The following PHLDB2 variants were observed in gnomAD, a reference collection of about 807,000 sequenced individuals.
PHLDB2 encodes the protein pleckstrin homology-like domain family B member 2.
Under a neutral mutation model 123.6 loss-of-function variants are expected in PHLDB2, and 71 were observed. The ratio of observed to expected loss-of-function variants is 0.57; its 90% CI spans 0.47 to 0.70. The LOEUF (loss-of-function observed/expected upper bound fraction) is 0.70, where lower values mean the gene tolerates loss of function less well. PHLDB2 is among the 30% of genes least tolerant of loss of function. PHLDB2 has a pLI of 0.00. For synonymous variants in PHLDB2, 547 were observed against 541.6 expected, an observed-to-expected ratio of 1.01 and a Z score of -0.14; for missense variants, 1,446 against 1,519.5, an observed-to-expected ratio of 0.95 and a Z score of 0.80.
In PHLDB2 at chr3:111,953,990, G is replaced by T. The variant is rs1436280741; in HGVS notation, c.2833G>T (p.Ala945Ser). The change falls in exon 12 of 18, where the codon GCC becomes TCC. Residue 945 changes from alanine to serine, a missense_variant. By Grantham distance (99) the Ala-to-Ser change is moderately conservative. Around this residue, in one of 3 missense-constraint regions of PHLDB2, gnomAD observed 594 missense variants for 646.0 expected, o/e 0.92. Coordinates refer to ENST00000431670, the MANE Select transcript of PHLDB2 (RefSeq NM_001134438.2). ...CGSVLPPSLAAMAKDSESRRM... is the reference protein window; with the variant it reads ...CGSVLPPSLASMAKDSESRRM... The stretch of plus-strand genomic sequence containing the variant: ...AAGTGTGCTCCCTCCCTCACTGGCA[G>T]CCATGGCCAAAGACTCAGAATCTCG... 1 of 1,613,684 alleles carries T rather than the reference G, an allele frequency of 6.2e-7. No individual in the cohort carries two copies.
chr3:111,769,342 A>G (rs372062756), intron 1 of PHLDB2, among the ~76,000 whole-genome samples: 1 of 152,206 alleles, frequency 6.6e-6, no homozygotes, highest in Non-Finnish European at 1.5e-5. Flanking sequence ...CCAAAGTCCA[A>G]GTAAATATTC....
At chr3:111,904,177 C>A (rs1456104006) in intron 2 of PHLDB2, among the ~76,000 whole-genome samples, 1 of 147,510 alleles carries the variant, frequency 6.8e-6, no homozygotes, top group Non-Finnish European at 1.5e-5. Flanking sequence ...ACTCGGGAGG[C>A]TGAGGTGGGA....
At chr3:111,965,182 A>G (rs151099299) in intron 13 of PHLDB2, among the ~76,000 whole-genome samples, 171 of 152,338 alleles carry the variant, frequency 1.1e-3, no homozygotes, top group African/African-American at 3.8e-3. Flanking sequence ...ACTCTTTTGT[A>G]TCTCCTCACT....
chr3:111,923,414 C>G (rs536510963), intron 5 of PHLDB2, among the ~76,000 whole-genome samples: 1 of 152,328 alleles, frequency 6.6e-6, no homozygotes, highest in African/African-American at 2.4e-5. Context: ...TATCTCTCAT[C>G]TGAACTCAGT....
intron 1 of PHLDB2, among the ~76,000 whole-genome samples, chr3:111,813,197 G>A (rs187183281): frequency 6.6e-6 from 1 of 152,286 alleles, no homozygotes; most frequent in East Asian, 1.9e-4. Flanking sequence ...TCAGCTTGGG[G>A]AAACAAGTTC....
In PHLDB2 at chr3:111,828,437, C is replaced by T. The variant is rs913681109; in HGVS notation, c.-48-17384C>T. The stretch of plus-strand genomic sequence containing the variant: ...TTCCCCTGCTCAGGTAATCTATGAA[C>T]ACATATTGAATGACATACTTAATAA... On this transcript the variant is annotated intron_variant, in intron 1 of 17. Coordinates refer to the PHLDB2 transcript ENST00000393923. 1.2e-4 allele frequency among the ~76,000 whole-genome samples: 19 copies of T among 152,198 alleles called. No individual in the cohort carries two copies. In the East Asian group the frequency reaches 3.7e-3, roughly 29 times the overall value.
chr3:111,820,611 ATGGCC>A (rs1302010841), intron 1 of PHLDB2, among the ~76,000 whole-genome samples: 2 of 152,322 alleles, frequency 1.3e-5, no homozygotes, highest in African/African-American at 4.8e-5. Context: ...CAGTGGCCCC[ATGGCC>A]ACCTCTCAGA....
rs201280788 is a variant in PHLDB2, at chr3:111,885,289, C to A, written c.1212C>A (p.Thr404=). The change falls in exon 2 of 18, where the codon ACC becomes ACA. Residue 404 remains threonine, a synonymous_variant. Transcript: ENST00000431670. ...AAAGCCTCAGACAGGCCTCAGGAAC[C>A]CCCCAGCCTGCCCTTCGGGAACGGA... ...DLESLRQASG[T]PQPALRERKS... 6.2e-7 allele frequency: 1 copy of A among 1,614,176 alleles called. No individual in the cohort carries two copies. Among genetic ancestry groups the A allele is most frequent in the African/African-American group, 1.3e-5 (1 of 75,034 alleles).
chr3:111,878,241 G>A (rs1390269790), intron 1 of PHLDB2, among the ~76,000 whole-genome samples: 6 of 152,164 alleles, frequency 3.9e-5, no homozygotes, highest in Non-Finnish European at 8.8e-5. Context: ...GCAGTGGTTT[G>A]TAGTTCTCCT....
At chr3:111,848,916 T>C (rs758743139) in intron 2 of PHLDB2, among the ~76,000 whole-genome samples, 9 of 152,238 alleles carry the variant, frequency 5.9e-5, no homozygotes, top group Non-Finnish European at 8.8e-5. Flanking sequence ...TTATGCCATA[T>C]AGACTGGGTG....
chr3:111,967,835 C>A lies in PHLDB2; in HGVS notation c.3315+11C>A. The stretch of plus-strand genomic sequence containing the variant: ...AGACAAAGGGCACAGGTTGGTCGGT[C>A]AATCTGAATGCATATGGGCAGGTTG... On this transcript the variant is annotated intron_variant, in intron 15 of 17. Coordinates refer to ENST00000431670, the MANE Select transcript of PHLDB2 (RefSeq NM_001134438.2). The A allele has an allele frequency of 6.2e-7, 1 of 1,601,856 alleles. No homozygotes were observed. Among genetic ancestry groups the A allele is most frequent in the South Asian group, 1.1e-5 (1 of 88,982 alleles).
At chr3:111,918,747 C>T (rs192433888) in intron 3 of PHLDB2, among the ~76,000 whole-genome samples, 6 of 152,340 alleles carry the variant, frequency 3.9e-5, no homozygotes, top group Admixed American at 3.9e-4. Flanking sequence ...TGAACTTTCT[C>T]TATAACCTTG....
At chr3:111,837,268 A>G (rs1265792516) in intron 1 of PHLDB2, among the ~76,000 whole-genome samples, 1 of 152,226 alleles carries the variant, frequency 6.6e-6, no homozygotes, top group Admixed American at 6.5e-5. Context: ...AGGAAGAGCC[A>G]GAGAATACTA....
intron 13 of PHLDB2, among the ~76,000 whole-genome samples, chr3:111,966,291 CT>C (rs1339946620): frequency 6.6e-6 from 1 of 152,082 alleles, no homozygotes; most frequent in African/African-American, 2.4e-5. Flanking sequence ...AGAAGTCACA[CT>C]TTGTAAGATT....
chr3:111,911,116 T>A (rs901538588), intron 2 of PHLDB2, among the ~76,000 whole-genome samples: 1 of 152,220 alleles, frequency 6.6e-6, no homozygotes, highest in Non-Finnish European at 1.5e-5. Context: ...AAAAAGAAAC[T>A]ATTTTGGGAA....
chr3:111,755,044 T>C (rs2107984125), intron 1 of PHLDB2, among the ~76,000 whole-genome samples: 1 of 152,206 alleles, frequency 6.6e-6, no homozygotes, highest in Admixed American at 6.5e-5. Context: ...GCTGCTGGAT[T>C]CGGTTTGCCA....
At chr3:111,820,717 T>G (rs9851613) in intron 1 of PHLDB2, among the ~76,000 whole-genome samples, 23,955 of 152,090 alleles carry the variant, frequency 0.16, 2,193 homozygotes, top group Non-Finnish European at 0.19. Context: ...ATTCTCCAGT[T>G]TGTGGTCAAG....
intron 1 of PHLDB2, among the ~76,000 whole-genome samples, chr3:111,743,037 T>G (rs1206961850): frequency 6.6e-6 from 1 of 152,184 alleles, no homozygotes; most frequent in African/African-American, 2.4e-5. Flanking sequence ...TTCAGACGGG[T>G]GCTCCCCAAC....
At chr3:111,861,307 G>GT (rs1197800832) in intron 1 of PHLDB2, among the ~76,000 whole-genome samples, 1 of 152,186 alleles carries the variant, frequency 6.6e-6, no homozygotes, top group Non-Finnish European at 1.5e-5. Flanking sequence ...CCTCTGCTTA[G>GT]TTATTTAAAA....
Sources: allele counts gnomAD v4.1 joint callset (sites outside exome capture counted in the v4.1 genomes callset), GRCh38; gene constraint gnomAD v4.1.1; regional missense constraint gnomAD v4.1.1; transcripts MANE v1.5; gene names NCBI Gene and HGNC (gene_info 2026-07-23, HGNC 2026-07-21).